Variants in MAP3K5 observed in about 807,000 individuals in gnomAD.
The protein encoded by MAP3K5 is mitogen-activated protein kinase kinase kinase 5.
Under a neutral mutation model 158.7 loss-of-function variants are expected in MAP3K5, and 56 were observed. That is an observed-to-expected ratio of 0.35 (90% CI 0.28 to 0.44). The LOEUF is 0.44. MAP3K5 is among the 20% of genes least tolerant of loss of function. The pLI is 1.00. For synonymous variants in MAP3K5, 579 were observed against 601.7 expected, an observed-to-expected ratio of 0.96 and a Z score of 0.55; for missense variants, 1,294 against 1,674.8, an observed-to-expected ratio of 0.77 and a Z score of 3.97.
chr6:136,633,527 G>T (rs982732553), intron 14 of MAP3K5, among the ~76,000 whole-genome samples: 2 of 151,902 alleles, frequency 1.3e-5, no homozygotes, highest in Admixed American at 6.6e-5. Flanking sequence ...ACTGACTGTT[G>T]GCAAAGTCAG....
At chr6:136,600,445 C>T (rs1055839335) in intron 21 of MAP3K5, among the ~76,000 whole-genome samples, 2 of 152,052 alleles carry the variant, frequency 1.3e-5, no homozygotes, top group African/African-American at 4.8e-5. Flanking sequence ...CTGACCATCT[C>T]GGCCTCCCAA....
chr6:136,669,386 CTT>C lies in MAP3K5; in HGVS notation c.1261_1262del (p.Lys421GlyfsTer3), dbSNP rs770784818. On this transcript the variant is annotated frameshift_variant, in exon 8 of 30. Coordinates refer to ENST00000359015, the MANE Select transcript of MAP3K5 (RefSeq NM_005923.4). LOFTEE classifies it high-confidence loss of function. ...GTAGTGTTGGCTCAGATTCAAATGC[CTT>C]TTTGAACCTATAAAAAACCACAAAT... ...SRDHGASWFK[K>X]AFESEPTLQS... The C allele has an allele frequency of 6.3e-7, 1 of 1,593,164 alleles. No individual in the cohort carries two copies. Among genetic ancestry groups the C allele is most frequent in the South Asian group, 1.1e-5 (1 of 90,034 alleles).
intron 19 of MAP3K5, among the ~76,000 whole-genome samples, chr6:136,603,117 C>A: frequency 6.6e-6 from 1 of 151,368 alleles, no homozygotes; most frequent in Admixed American, 6.6e-5. Flanking sequence ...AGACACAGTT[C>A]TAAGTGCTTG....
At chr6:136,624,013 G>A (rs1455268167) in intron 14 of MAP3K5, among the ~76,000 whole-genome samples, 1 of 151,640 alleles carries the variant, frequency 6.6e-6, no homozygotes, top group Non-Finnish European at 1.5e-5. Context: ...AGCCAACATG[G>A]CAAAACCCTG....
chr6:136,757,591 T>A (rs530396833), intron 1 of MAP3K5, among the ~76,000 whole-genome samples: 2,022 of 146,752 alleles, frequency 0.014, 51 homozygotes, highest in African/African-American at 0.045. Flanking sequence ...TTTTTATTTT[T>A]TTTTTTTTTT....
intron 1 of MAP3K5, among the ~76,000 whole-genome samples, chr6:136,745,848 G>A (rs1305484420): frequency 3.3e-5 from 5 of 152,156 alleles, no homozygotes; most frequent in Non-Finnish European, 5.9e-5. Flanking sequence ...AGATAATTCC[G>A]AGGAGAGTTA....
At chr6:136,789,268 C>T (rs1784970904) in intron 1 of MAP3K5, among the ~76,000 whole-genome samples, 1 of 152,224 alleles carries the variant, frequency 6.6e-6, no homozygotes, top group Non-Finnish European at 1.5e-5. Flanking sequence ...CATGATCATG[C>T]CACTGCACTC....
At chr6:136,569,893 A>C (rs1232683967) in intron 25 of MAP3K5, among the ~76,000 whole-genome samples, 1 of 152,224 alleles carries the variant, frequency 6.6e-6, no homozygotes, top group African/African-American at 2.4e-5. Context: ...AATTTAAGTG[A>C]AATCAAGGTA....
intron 17 of MAP3K5, 33 bp from the exon 18 acceptor site, chr6:136,611,420 A>G (rs756110349): frequency 8.8e-6 from 11 of 1,250,012 alleles, no homozygotes; most frequent in South Asian, 3.7e-5. Context: ...CACAATTGTT[A>G]TCTTTCTTCA....
chr6:136,610,949 T>C (rs1347863663), intron 18 of MAP3K5, among the ~76,000 whole-genome samples: 1 of 150,476 alleles, frequency 6.6e-6, no homozygotes, highest in Admixed American at 6.6e-5. Context: ...CCATCAAAAA[T>C]ACAAAAAAAT....
chr6:136,722,558 A>G (rs1262631351), intron 1 of MAP3K5, among the ~76,000 whole-genome samples: 1 of 152,144 alleles, frequency 6.6e-6, no homozygotes, highest in Non-Finnish European at 1.5e-5. Flanking sequence ...AACCAACTAT[A>G]AAATGCCAAT....
Position 136,791,723 on chromosome 6 carries a change from G to T in MAP3K5, c.435C>A (p.Arg145=). The T allele has an allele frequency of 6.2e-7, 1 of 1,613,232 alleles. No homozygotes were observed. The highest frequency in any genetic ancestry group is 8.5e-7 in the Non-Finnish European group (1 of 1,180,006). ...LDFGETTVLD[R]FYNADIAVVE... ...TCACACACGCACCTGCATTGTAAAA[G>T]CGGTCCAGCACGGTGGTTTCTCCAA... Residue 145 remains arginine, a synonymous_variant, in exon 1 of 30, where the codon CGC becomes CGA. Coordinates refer to ENST00000359015, the MANE Select transcript of MAP3K5 (RefSeq NM_005923.4).
chr6:136,688,373 A>G (rs1377310368), intron 7 of MAP3K5, among the ~76,000 whole-genome samples: 1 of 152,202 alleles, frequency 6.6e-6, no homozygotes, highest in Non-Finnish European at 1.5e-5. Context: ...ATACCTATGT[A>G]ACAAAACTGC....
Position 136,695,567 on chromosome 6 carries a change from T to A in MAP3K5, c.1082+384A>T, listed in dbSNP as rs564892677. 6.6e-5 allele frequency among the ~76,000 whole-genome samples: 10 copies of A among 152,376 alleles called. 2 individuals carry two copies. The South Asian group carries it at 2.1e-3, about 32-fold the overall frequency. On this transcript the variant is annotated intron_variant, in intron 6 of 29. Transcript: ENST00000359015. ...ATAACTATCTAACACTATGTTCACC[T>A]AGACATAACCATCCTTACTCTAGTG...
chr6:136,652,705 TGTTAA>T (rs1419448984), intron 10 of MAP3K5, among the ~76,000 whole-genome samples: 1 of 152,242 alleles, frequency 6.6e-6, no homozygotes, highest in Non-Finnish European at 1.5e-5. Flanking sequence ...ACTCCTCTCT[TGTTAA>T]ATTATGTCTT....
chr6:136,733,110 C>T (rs1782297808), intron 1 of MAP3K5, among the ~76,000 whole-genome samples: 1 of 152,190 alleles, frequency 6.6e-6, no homozygotes, highest in Non-Finnish European at 1.5e-5. Context: ...AGCGATCCTC[C>T]CACCTCAGTT....
intron 19 of MAP3K5, 29 bp from the exon 20 acceptor site, chr6:136,602,008 T>C (rs1226233049): frequency 6.3e-7 from 1 of 1,597,572 alleles, no homozygotes; most frequent in African/African-American, 1.3e-5. Flanking sequence ...AAGTGCAATG[T>C]GCCTTCTGAG....
chr6:136,677,935 T>A (rs1273777134), intron 7 of MAP3K5, among the ~76,000 whole-genome samples: 2 of 152,046 alleles, frequency 1.3e-5, no homozygotes, highest in African/African-American at 4.8e-5. Flanking sequence ...ATAATACTTC[T>A]AATTCTGACA....
At position 136,613,353 on chromosome 6, in the gene MAP3K5, G is replaced by A. The variant is rs1338812756; in HGVS notation, c.2279-97C>T. On this transcript the variant is annotated intron_variant, in intron 16 of 29. Transcript: ENST00000359015. This position sits in a 1 kb window ranked among gnomAD's most constrained non-coding sequence, Gnocchi z 4.0. ...CAGTAATTTAAGCTAACAGTCATTG[G>A]TTCTTCACAGTGGCCCAGGAGCTAT... 2 of 1,062,204 alleles carry A rather than the reference G, an allele frequency of 1.9e-6. No homozygotes were observed. The highest frequency in any genetic ancestry group is 1.6e-5 in the African/African-American group (1 of 62,180). 65.8% of individuals were successfully genotyped at this position (1,062,204 alleles called of 1,614,324 possible). A position where few individuals can be genotyped will look rare whatever the true frequency, so the allele number is the denominator to read the frequency against.
Sources: gnomAD v4.1 joint callset for allele counts (sites outside exome capture counted in the v4.1 genomes callset) on GRCh38, gnomAD v4.1.1 for gene constraint, Gnocchi (gnomAD v3.1) non-coding constraint, MANE v1.5 for transcripts, NCBI Gene and HGNC (gene_info 2026-07-23, HGNC 2026-07-21) for gene names.